The following CCM2 variants were observed in gnomAD, a reference collection of about 807,000 sequenced individuals.
The protein encoded by CCM2 is cerebral cavernous malformations 2 protein.
Under a neutral mutation model 44.9 loss-of-function variants are expected in CCM2, and 25 were observed. The observed-to-expected ratio is 0.56, with a 90% CI of 0.41 to 0.78. The LOEUF (loss-of-function observed/expected upper bound fraction) is 0.78, where lower values mean the gene tolerates loss of function less well. Among genes scored for constraint, CCM2 ranks in the 30% least tolerant of loss-of-function variants. The pLI, the probability that CCM2 is intolerant of heterozygous loss-of-function variation, is 0.00. For missense variants in CCM2, 481 were observed against 580.6 expected (o/e 0.83, Z 1.76); for synonymous variants, 219 against 241.1 (o/e 0.91, Z 0.85).
chr7:45,006,764 A>G (rs1048081676), intron 1 of CCM2, among the ~76,000 whole-genome samples: 7 of 152,208 alleles, frequency 4.6e-5, no homozygotes, highest in African/African-American at 1.7e-4. Flanking sequence ...TGATCATTGG[A>G]GGACTCATGG....
chr7:45,075,705 T>C, intron 9 of CCM2, 72 bp from the exon 10 acceptor site: 1 of 1,600,580 alleles, frequency 6.2e-7, no homozygotes, highest in Non-Finnish European at 8.5e-7. Context: ...CAGGGGGCTT[T>C]GAGCCCTGAG....
intron 2 of CCM2, among the ~76,000 whole-genome samples, chr7:45,047,032 A>G (rs1417694759): frequency 1.3e-5 from 2 of 152,228 alleles, no homozygotes; most frequent in Non-Finnish European, 2.9e-5. Flanking sequence ...CTGCCAATAC[A>G]CACCTAACAG....
chr7:45,050,846 C>G (rs976244328), intron 2 of CCM2, among the ~76,000 whole-genome samples: 1 of 152,144 alleles, frequency 6.6e-6, no homozygotes, highest in Non-Finnish European at 1.5e-5. Context: ...GCAGCAGAGC[C>G]TGAAACTGGG....
chr7:45,007,530 T>C (rs546246474), intron 1 of CCM2, among the ~76,000 whole-genome samples: 1 of 152,360 alleles, frequency 6.6e-6, no homozygotes, highest in African/African-American at 2.4e-5. Context: ...TAGCCTTGTG[T>C]CTGTGCCAAA....
chr7:45,030,035 C>T (rs1177261333), intron 1 of CCM2, among the ~76,000 whole-genome samples: 1 of 152,134 alleles, frequency 6.6e-6, no homozygotes, highest in Non-Finnish European at 1.5e-5. Flanking sequence ...GACTCAGAGC[C>T]CTGTGTTCCC....
chr7:45,015,165 A>G (rs555881394), intron 1 of CCM2, among the ~76,000 whole-genome samples: 9 of 152,258 alleles, frequency 5.9e-5, no homozygotes, highest in African/African-American at 1.9e-4. Flanking sequence ...TTCTGGATCT[A>G]TTTATGTATT....
At chr7:45,022,265 G>A (rs566384732) in intron 1 of CCM2, among the ~76,000 whole-genome samples, 278 of 150,268 alleles carry the variant, frequency 1.9e-3, no homozygotes, top group Admixed American at 3.1e-3. Flanking sequence ...TTTCATGTGG[G>A]GATCATTATT....
At chr7:45,006,308 A>C (rs1360763705) in intron 1 of CCM2, among the ~76,000 whole-genome samples, 1 of 150,504 alleles carries the variant, frequency 6.6e-6, no homozygotes, top group African/African-American at 2.5e-5. Flanking sequence ...GGACCTCAGG[A>C]TGTGACTGTA....
chr7:45,008,785 G>A (rs1795950866), intron 1 of CCM2, among the ~76,000 whole-genome samples: 1 of 152,236 alleles, frequency 6.6e-6, no homozygotes, highest in African/African-American at 2.4e-5. Context: ...ATTTATTACT[G>A]CCATTAGATA....
chr7:45,075,268 C>T (rs1799285920), intron 9 of CCM2, among the ~76,000 whole-genome samples: 1 of 152,360 alleles, frequency 6.6e-6, no homozygotes, highest in South Asian at 2.1e-4. Context: ...GAGAGACACA[C>T]TAGGCTTCCC....
At chr7:45,044,236 C>A (rs1436211229) in intron 2 of CCM2, among the ~76,000 whole-genome samples, 1 of 152,242 alleles carries the variant, frequency 6.6e-6, no homozygotes, top group Admixed American at 6.5e-5. Context: ...CGGGTTCACG[C>A]TGTTCTCCTG....
chr7:45,071,559 A>G (rs1799073641), intron 6 of CCM2: 1 of 329,042 alleles, frequency 3.0e-6, no homozygotes, highest in Non-Finnish European at 6.0e-6. Flanking sequence ...ATAGCAGCAT[A>G]AACAGCAGAA....
chr7:45,056,193 A>G (rs1767889885), intron 2 of CCM2, among the ~76,000 whole-genome samples: 1 of 152,230 alleles, frequency 6.6e-6, no homozygotes, highest in Admixed American at 6.5e-5. Flanking sequence ...TCTTTTGTAT[A>G]TATACCCAGA....
intron 1 of CCM2, among the ~76,000 whole-genome samples, chr7:45,028,272 G>A (rs964346621): frequency 2.6e-5 from 4 of 152,186 alleles, no homozygotes; most frequent in South Asian, 2.1e-4. Context: ...CCTGGCCACC[G>A]CCAGTGTGGC....
In CCM2 at chr7:45,021,003, T is replaced by TG. The variant is rs138495749; in HGVS notation, c.31-17249dup. Among the ~76,000 whole-genome samples the TG allele has an allele frequency of 1.1e-4, 17 of 152,316 alleles. No individual in the cohort carries two copies. In the East Asian group the frequency reaches 3.3e-3, roughly 29 times the overall value. Reference sequence around the variant, plus strand: ...TTCTGGGGAGCTGTCACTGCCTGCCTGAATCTCCCTCACTGTCTGAGGGTG... The same window carrying TG: ...TTCTGGGGAGCTGTCACTGCCTGCCTGGAATCTCCCTCACTGTCTGAGGGTG... On this transcript the variant is annotated intron_variant, in intron 1 of 9. Coordinates refer to ENST00000258781, the MANE Select transcript of CCM2 (RefSeq NM_031443.4).
intron 2 of CCM2, among the ~76,000 whole-genome samples, chr7:45,040,196 AAC>A (rs1174704080): frequency 6.6e-6 from 1 of 151,678 alleles, no homozygotes; most frequent in Non-Finnish European, 1.5e-5. Context: ...CATCCTGGCT[AAC>A]ACAGTGAAAC....
intron 1 of CCM2, among the ~76,000 whole-genome samples, chr7:45,034,957 C>T (rs1797147759): frequency 6.6e-6 from 1 of 152,238 alleles, no homozygotes; most frequent in South Asian, 2.1e-4. Flanking sequence ...CTGCCTCAGC[C>T]TCCCAAGTAG....
intron 2 of CCM2, among the ~76,000 whole-genome samples, chr7:45,059,517 G>C (rs1165641852): frequency 1.3e-5 from 2 of 152,150 alleles, no homozygotes; most frequent in African/African-American, 4.8e-5. Flanking sequence ...GGCCGAGGCG[G>C]GCGGATTGAT....
intron 6 of CCM2, chr7:45,071,501 CT>C: frequency 3.5e-6 from 1 of 283,188 alleles, no homozygotes; most frequent in South Asian, 3.1e-5. Context: ...TTATTTCTGC[CT>C]TGGAGTTTTG....
Sources: gnomAD v4.1 joint callset for allele counts (sites outside exome capture counted in the v4.1 genomes callset) on GRCh38, gnomAD v4.1.1 for gene constraint, MANE v1.5 for transcripts, NCBI Gene and HGNC (gene_info 2026-07-23, HGNC 2026-07-21) for gene names.